The following FILIP1L variants were observed in gnomAD, a reference collection of about 807,000 sequenced individuals.
FILIP1L encodes filamin A-interacting protein 1-like.
Under a neutral mutation model 96.6 loss-of-function variants are expected in FILIP1L, and 55 were observed. The ratio of observed to expected loss-of-function variants is 0.57; its 90% CI spans 0.46 to 0.71. The LOEUF (loss-of-function observed/expected upper bound fraction) is 0.71. Among genes scored for constraint, FILIP1L ranks in the 30% least tolerant of loss-of-function variants. The pLI, the probability that FILIP1L is intolerant of heterozygous loss-of-function variation, is 0.00. For missense variants in FILIP1L, 1,304 were observed against 1,321.2 expected (o/e 0.99, Z 0.20); for synonymous variants, 467 against 473.9 (o/e 0.99, Z 0.19).
intron 1 of FILIP1L, among the ~76,000 whole-genome samples, chr3:99,950,633 C>G (rs1708148155): frequency 6.6e-6 from 1 of 152,142 alleles, no homozygotes; most frequent in African/African-American, 2.4e-5. Flanking sequence ...ATGACTATCC[C>G]CACTCACCAT....
intron 1 of FILIP1L, among the ~76,000 whole-genome samples, chr3:100,107,619 A>G (rs2066416450): frequency 6.6e-6 from 1 of 152,196 alleles, no homozygotes; most frequent in African/African-American, 2.4e-5. Flanking sequence ...AAGAACAAAT[A>G]AAACCCTGTT....
intron 3 of FILIP1L, among the ~76,000 whole-genome samples, chr3:99,924,784 A>G (rs1707238224): frequency 6.6e-6 from 1 of 151,894 alleles, no homozygotes; most frequent in South Asian, 2.1e-4. Context: ...GGCCTCCCAA[A>G]GTGCTGGGAT....
chr3:99,993,816 G>A (rs912199112), intron 1 of FILIP1L, among the ~76,000 whole-genome samples: 6 of 152,088 alleles, frequency 3.9e-5, no homozygotes, highest in South Asian at 2.1e-4. Context: ...GCATCCCTGG[G>A]ATAAATCGTA....
intron 1 of FILIP1L, among the ~76,000 whole-genome samples, chr3:99,957,443 C>CAT (rs151274424): frequency 0.012 from 1,762 of 152,188 alleles, 19 homozygotes; most frequent in African/African-American, 0.026. Context: ...TGTATCTACA[C>CAT]ATATGTGTGT....
chr3:99,850,482 A>G lies in FILIP1L; in HGVS notation c.1194T>C (p.Asp398=), dbSNP rs749384433. ...ELIKMEEQCR[D]LNKRLERETL... ...TCTCCCTTTCAAGCCTCTTATTGAG[A>G]TCTCTGCACTGCTCCTCCATTTTTA... Residue 398 remains aspartate, a synonymous_variant, in exon 5 of 6, where the codon GAT becomes GAC. Transcript: ENST00000477258. The G allele has an allele frequency of 4.3e-6, 7 of 1,613,188 alleles. No homozygotes were observed. In the African/African-American group the frequency reaches 8.0e-5, roughly 18 times the overall value.
rs141449044 is a variant in FILIP1L at position 99,851,036 on chromosome 3, G to A, written c.640C>T (p.Gln214Ter). 9 of 1,600,696 alleles carry A rather than the reference G, an allele frequency of 5.6e-6. No individual in the cohort carries two copies. Among genetic ancestry groups the A allele is most frequent in the South Asian group, 1.1e-5 (1 of 88,236 alleles). ...KKLIDQEIKSQEEKEQEKEKR... is the reference protein window; with the variant it reads ...KKLIDQEIKS ...TCCTTTTCTTGCTCCTTCTCCTCCT[G>A]AGACTTGATTTCTTGATCAATTAGC... Residue 214 changes from glutamine to a stop codon, truncating the protein, a stop_gained, in exon 5 of 6, where the codon CAG (glutamine) becomes TAG (stop). Coordinates refer to ENST00000477258, the MANE Select transcript of FILIP1L (RefSeq NM_001387850.1). LOFTEE classifies it high-confidence loss of function.
intron 1 of FILIP1L, among the ~76,000 whole-genome samples, chr3:100,064,988 G>A (rs1243297160): frequency 6.6e-6 from 1 of 152,178 alleles, no homozygotes; most frequent in Non-Finnish European, 1.5e-5. Context: ...ACATGTGTGT[G>A]TAACAAAACA....
Position 99,894,678 on chromosome 3 carries a change from G to A in FILIP1L, c.605+29552C>T, listed in dbSNP as rs9810553. Among the ~76,000 whole-genome samples the A allele has an allele frequency of 5.0e-3, 762 of 152,210 alleles. 6 individuals carry two copies. The highest frequency in any genetic ancestry group is 0.017 in the African/African-American group (719 of 41,512). On this transcript the variant is annotated intron_variant, in intron 4 of 5. Transcript: ENST00000477258. ...TTTCAAGATATTTCCTCATAAAAAC[G>A]ATATTATTAATTATGGAGTTGATTC...
chr3:100,097,122 G>C (rs2066223558), intron 1 of FILIP1L, among the ~76,000 whole-genome samples: 1 of 152,108 alleles, frequency 6.6e-6, no homozygotes, highest in Admixed American at 6.6e-5. Flanking sequence ...ATTCTCATAG[G>C]AGCACAAACC....
intron 1 of FILIP1L, among the ~76,000 whole-genome samples, chr3:100,056,897 G>A (rs370015829): frequency 2.6e-5 from 4 of 151,986 alleles, no homozygotes; most frequent in East Asian, 3.9e-4. Flanking sequence ...CCAGCTACTC[G>A]GGAGGCTGAG....
chr3:99,943,060 C>T (rs980002893), intron 1 of FILIP1L, among the ~76,000 whole-genome samples: 11 of 152,138 alleles, frequency 7.2e-5, no homozygotes, highest in African/African-American at 2.7e-4. Context: ...CAACTTTGGA[C>T]CTCCACTTTT....
At chr3:99,944,054 G>T (rs1279342283) in intron 1 of FILIP1L, among the ~76,000 whole-genome samples, 1 of 152,220 alleles carries the variant, frequency 6.6e-6, no homozygotes, top group Admixed American at 6.5e-5. Context: ...CAGCAGACAT[G>T]CCTTCCCTCT....
rs1288023686 is a variant in FILIP1L at position 99,954,687 on chromosome 3, A to G, written c.-10-23657T>C. On this transcript the variant is annotated intron_variant, in intron 1 of 5. Transcript: ENST00000477258. The stretch of plus-strand genomic sequence containing the variant: ...CTAAAAATACAAAAATTAGCCAAGC[A>G]TGGTGGTGCCCACCTGTAATCCCAG... Among the ~76,000 whole-genome samples, 5 of 152,044 alleles carry G rather than the reference A, an allele frequency of 3.3e-5. No homozygotes were observed. The East Asian group carries it at 9.7e-4, about 29-fold the overall frequency.
intron 1 of FILIP1L, among the ~76,000 whole-genome samples, chr3:100,013,217 T>TTGGTGG (rs761322356): frequency 2.0e-4 from 24 of 118,510 alleles, no homozygotes; most frequent in African/African-American, 8.5e-4. Flanking sequence ...CAGTGAGGTG[T>TTGGTGG]TGTTGTTGTT....
At chr3:100,054,878 C>T (rs2065438229) in intron 1 of FILIP1L, among the ~76,000 whole-genome samples, 7 of 152,290 alleles carry the variant, frequency 4.6e-5, no homozygotes, top group East Asian at 3.9e-4. Flanking sequence ...AGTATGAGGT[C>T]ATTTCAAATT....
At chr3:99,989,924 A>G (rs1175982188) in intron 1 of FILIP1L, among the ~76,000 whole-genome samples, 1 of 152,100 alleles carries the variant, frequency 6.6e-6, no homozygotes, top group Non-Finnish European at 1.5e-5. Flanking sequence ...CTTAGTTCCA[A>G]GACACCTGGT....
intron 1 of FILIP1L, among the ~76,000 whole-genome samples, chr3:100,045,484 T>C (rs1460304843): frequency 6.6e-6 from 1 of 152,148 alleles, no homozygotes; most frequent in Non-Finnish European, 1.5e-5. Flanking sequence ...TGTTAGAATT[T>C]TTTTTTTGTA....
At chr3:99,899,664 A>G (rs1706372044) in intron 4 of FILIP1L, among the ~76,000 whole-genome samples, 1 of 152,212 alleles carries the variant, frequency 6.6e-6, no homozygotes, top group South Asian at 2.1e-4. Flanking sequence ...TGAAATTGTT[A>G]TGATAGATGC....
At chr3:99,923,745 A>G (rs1236676551) in intron 4 of FILIP1L, among the ~76,000 whole-genome samples, 1 of 151,914 alleles carries the variant, frequency 6.6e-6, no homozygotes, top group Admixed American at 6.6e-5. Flanking sequence ...CCCTTTCACA[A>G]TTTTCCATTT....
Sources: allele counts gnomAD v4.1 joint callset (sites outside exome capture counted in the v4.1 genomes callset), GRCh38; gene constraint gnomAD v4.1.1; transcripts MANE v1.5; gene names NCBI Gene and HGNC (gene_info 2026-07-23, HGNC 2026-07-21).